Variants in IGSF5 observed in about 807,000 individuals in gnomAD.
IGSF5 encodes immunoglobulin superfamily 5 like.
IGSF5 carries 41 observed loss-of-function variants against 39.4 expected under a neutral mutation model. That is an observed-to-expected ratio of 1.04 (90% CI 0.81 to 1.35). IGSF5 has a LOEUF of 1.35. Among genes scored for constraint, IGSF5 ranks in the 40% most tolerant of loss-of-function variants. The probability of loss-of-function intolerance (pLI) is 0.00; values close to 1 mark genes in which losing one functional copy is unlikely to be tolerated. For missense variants in IGSF5, 487 were observed against 494.6 expected, an observed-to-expected ratio of 0.98 and a Z score of 0.15; for synonymous variants, 183 against 175.3, an observed-to-expected ratio of 1.04 and a Z score of -0.34.
intron 7 of IGSF5, among the ~76,000 whole-genome samples, chr21:39,792,714 G>A (rs1399988143): frequency 6.6e-6 from 1 of 152,070 alleles, no homozygotes; most frequent in Non-Finnish European, 1.5e-5. Flanking sequence ...ACCTACTTTT[G>A]GAGAGTCTTG....
At chr21:39,784,558 C>A (rs894596538) in intron 5 of IGSF5, among the ~76,000 whole-genome samples, 14 of 152,132 alleles carry the variant, frequency 9.2e-5, no homozygotes, top group African/African-American at 2.7e-4. Context: ...TAGATTTAAT[C>A]TTTTCTTTAA....
chr21:39,762,098 A>T (rs2080064240), intron 2 of IGSF5, among the ~76,000 whole-genome samples: 1 of 152,252 alleles, frequency 6.6e-6, no homozygotes, highest in African/African-American at 2.4e-5. Flanking sequence ...GGCATAAATA[A>T]GAATCTTCCA....
chr21:39,763,448 C>G lies in IGSF5; in HGVS notation c.101-2087C>G, dbSNP rs143153543. Among the ~76,000 whole-genome samples the G allele has an allele frequency of 4.1e-3, 625 of 152,344 alleles. 6 individuals are homozygous for G. Among genetic ancestry groups the G allele is most frequent in the African/African-American group, 0.014 (601 of 41,570 alleles). ...CATTTGGTGTAGCTCCCTCCTCCCT[C>G]CTTTTCATCTCCCAGCTGCAGAATA... is the stretch of plus-strand genomic sequence containing the variant. On this transcript the variant is annotated intron_variant, in intron 2 of 8. Transcript: ENST00000380588.
At chr21:39,738,971 C>T in the IGSF5 span, among the ~76,000 whole-genome samples, 1 of 152,064 alleles carries the variant, frequency 6.6e-6, no homozygotes, top group Admixed American at 6.5e-5. This position sits in a 1 kb window ranked among gnomAD's most constrained non-coding sequence, Gnocchi z 6.4. Flanking sequence ...TCACTGCAAC[C>T]TCCATCTCCC....
intron 4 of IGSF5, among the ~76,000 whole-genome samples, chr21:39,772,422 A>T (rs539441903): frequency 1.4e-4 from 22 of 152,316 alleles, no homozygotes; most frequent in African/African-American, 5.3e-4. Flanking sequence ...GGAGGACCAC[A>T]GGCTTGGTGG....
chr21:39,779,522 A>G (rs7278733), intron 5 of IGSF5, among the ~76,000 whole-genome samples: 40,142 of 152,172 alleles, frequency 0.26, 6,768 homozygotes, highest in East Asian at 0.47. Flanking sequence ...AAATAGAGCT[A>G]TCCTATAATC....
chr21:39,766,347 G>C (rs2080087459), intron 3 of IGSF5, among the ~76,000 whole-genome samples: 1 of 152,168 alleles, frequency 6.6e-6, no homozygotes, highest in Non-Finnish European at 1.5e-5. Context: ...TCTAGGGCCA[G>C]TTGCAGTCAT....
At chr21:39,725,665 A>G in the IGSF5 span, among the ~76,000 whole-genome samples, 192 of 152,334 alleles carry the variant, frequency 1.3e-3, no homozygotes, top group Non-Finnish European at 2.5e-3. Flanking sequence ...GGTGGTGCAC[A>G]AGTACTTCTA....
chr21:39,798,900 T>A (rs1231682981), intron 8 of IGSF5, among the ~76,000 whole-genome samples: 4 of 152,154 alleles, frequency 2.6e-5, no homozygotes, highest in Non-Finnish European at 5.9e-5. Flanking sequence ...GGGAATCCTT[T>A]GAAAATTTCA....
intron 8 of IGSF5, among the ~76,000 whole-genome samples, chr21:39,799,884 G>T (rs1448447555): frequency 2.0e-5 from 3 of 151,986 alleles, no homozygotes; most frequent in African/African-American, 7.2e-5. Context: ...AGAAGGGTCA[G>T]AAGGAAAAAA....
the IGSF5 span, chr21:39,725,736 GAAA>G: frequency 6.6e-6 from 1 of 151,856 alleles, no homozygotes; most frequent in African/African-American, 2.4e-5. Flanking sequence ...TGTGGATCTG[GAAA>G]AAAAACTAGC....
intron 8 of IGSF5, among the ~76,000 whole-genome samples, chr21:39,797,927 A>G (rs1227306067): frequency 2.0e-5 from 3 of 152,238 alleles, no homozygotes; most frequent in South Asian, 2.1e-4. Flanking sequence ...GGTCATTTAG[A>G]AAAGTTAAAT....
At chr21:39,757,679 C>T (rs977409939) in intron 2 of IGSF5, among the ~76,000 whole-genome samples, 7 of 151,562 alleles carry the variant, frequency 4.6e-5, no homozygotes, top group East Asian at 3.9e-4. Flanking sequence ...CGGGTTCAAG[C>T]GATTCTCCTG....
chr21:39,763,491 C>T (rs1443903149), intron 2 of IGSF5, among the ~76,000 whole-genome samples: 1 of 152,214 alleles, frequency 6.6e-6, no homozygotes, highest in Non-Finnish European at 1.5e-5. Context: ...TTGGCCTGCA[C>T]AGATTGTATG....
chr21:39,796,970 C>T (rs762491891), intron 8 of IGSF5, among the ~76,000 whole-genome samples: 36 of 152,324 alleles, frequency 2.4e-4, no homozygotes, highest in Admixed American at 7.2e-4. Context: ...CTGCTGACCA[C>T]ATACACTCGC....
At chr21:39,800,875 AATTTTGT>A (rs2087024797) in intron 8 of IGSF5, among the ~76,000 whole-genome samples, 1 of 152,236 alleles carries the variant, frequency 6.6e-6, no homozygotes. Context: ...TCAGTTCTTC[AATTTTGT>A]CCCCCTGTTC....
rs568796178 is a variant in IGSF5, at chr21:39,801,957, A to G, written c.*600A>G. On this transcript the variant is annotated 3_prime_UTR_variant, in exon 9 of 9. Transcript: ENST00000380588. ...CTGCCCCTTTATCAGACCTATTTGC[A>G]TCTCCTCAAATGAATTAGATGTGGC... 2.0e-5 allele frequency: 3 copies of G among 152,532 alleles called. No individual in the cohort carries two copies. Among genetic ancestry groups the G allele is most frequent in the South Asian group, 4.1e-4 (2 of 4,840 alleles). 9.4% of individuals were successfully genotyped at this position (152,532 alleles called of 1,614,324 possible). A position where few individuals can be genotyped will look rare whatever the true frequency, so the allele number is the denominator to read the frequency against.
At chr21:39,752,643 C>T (rs1486591667) in intron 2 of IGSF5, among the ~76,000 whole-genome samples, 1 of 152,084 alleles carries the variant, frequency 6.6e-6, no homozygotes, top group African/African-American at 2.4e-5. Flanking sequence ...AAAAGTATTC[C>T]CTTTCACCAC....
intron 8 of IGSF5, among the ~76,000 whole-genome samples, chr21:39,797,772 G>C (rs189353175): frequency 1.3e-5 from 2 of 152,098 alleles, no homozygotes; most frequent in East Asian, 3.9e-4. Context: ...TCTCCCACAT[G>C]GGCCTCCCAA....
Sources: gnomAD v4.1 joint callset for allele counts (sites outside exome capture counted in the v4.1 genomes callset) on GRCh38, gnomAD v4.1.1 for gene constraint, Gnocchi (gnomAD v3.1) non-coding constraint, MANE v1.5 for transcripts, NCBI Gene and HGNC (gene_info 2026-07-23, HGNC 2026-07-21) for gene names.